Variants in CDK6 observed in about 807,000 individuals in gnomAD.
CDK6 encodes cyclin-dependent kinase 6.
CDK6 carries 6 observed loss-of-function variants against 37.1 expected under a neutral mutation model. That is an observed-to-expected ratio of 0.16 (90% CI 0.09 to 0.32). The LOEUF (loss-of-function observed/expected upper bound fraction) is 0.32, where lower values mean the gene tolerates loss of function less well. Among genes scored for constraint, CDK6 ranks in the 10% least tolerant of loss-of-function variants. The pLI is 1.00. For missense variants in CDK6, 224 were observed against 418.9 expected, an observed-to-expected ratio of 0.53 and a Z score of 4.06; for synonymous variants, 160 against 161.3, an observed-to-expected ratio of 0.99 and a Z score of 0.06.
At chr7:92,759,731 T>TA (rs1385422841) in intron 3 of CDK6, among the ~76,000 whole-genome samples, 27 of 148,084 alleles carry the variant, frequency 1.8e-4, no homozygotes, top group African/African-American at 2.7e-4. Context: ...AAAGAAAGCT[T>TA]AAAAAAAAAC....
intron 6 of CDK6, 159 bp from the exon 7 acceptor site, chr7:92,618,366 T>TCC (rs1795727272): frequency 1.6e-6 from 1 of 635,140 alleles, no homozygotes; most frequent in Non-Finnish European, 2.7e-6. Flanking sequence ...TTTATCTCTG[T>TCC]CCTACTGCAA....
intron 2 of CDK6, among the ~76,000 whole-genome samples, chr7:92,805,421 T>G (rs755343034): frequency 2.0e-5 from 3 of 152,138 alleles, no homozygotes; most frequent in Non-Finnish European, 4.4e-5. Flanking sequence ...TGTTCCAACT[T>G]TTCACTCTGA....
At chr7:92,747,548 T>A (rs944275806) in intron 3 of CDK6, among the ~76,000 whole-genome samples, 1 of 152,198 alleles carries the variant, frequency 6.6e-6, no homozygotes, top group African/African-American at 2.4e-5. Flanking sequence ...AACCAGCAAA[T>A]CTTGAGCAAG....
chr7:92,690,209 C>T (rs1192339437), intron 4 of CDK6, among the ~76,000 whole-genome samples: 1 of 152,066 alleles, frequency 6.6e-6, no homozygotes, highest in Admixed American at 6.6e-5. Flanking sequence ...GTGCCTATGT[C>T]CTGAAAGGTA....
intron 3 of CDK6, among the ~76,000 whole-genome samples, chr7:92,753,208 A>G (rs1028852538): frequency 5.3e-5 from 8 of 152,070 alleles, no homozygotes; most frequent in African/African-American, 1.7e-4. Context: ...ATAGAATTCA[A>G]TTACTGATGA....
intron 2 of CDK6, among the ~76,000 whole-genome samples, chr7:92,807,436 TTATC>T (rs1169461935): frequency 2.0e-5 from 3 of 151,836 alleles, no homozygotes; most frequent in Non-Finnish European, 4.4e-5. Flanking sequence ...ATACATCTCT[TTATC>T]TAGACATAGA....
chr7:92,729,902 G>A (rs1798603409), intron 3 of CDK6, among the ~76,000 whole-genome samples: 1 of 152,050 alleles, frequency 6.6e-6, no homozygotes, highest in South Asian at 2.1e-4. Flanking sequence ...ACCATGCCTG[G>A]CTACTTTTTA....
At chr7:92,792,158 T>G (rs1400133768) in intron 2 of CDK6, among the ~76,000 whole-genome samples, 1 of 152,044 alleles carries the variant, frequency 6.6e-6, no homozygotes, top group Admixed American at 6.6e-5. Context: ...GTTACAGAAA[T>G]AGTAGCAGCA....
chr7:92,822,420 T>C (rs143193018), intron 2 of CDK6, among the ~76,000 whole-genome samples: 187 of 152,242 alleles, frequency 1.2e-3, no homozygotes, highest in African/African-American at 4.3e-3. Flanking sequence ...ACTGAGTGAA[T>C]AGAAAAATAA....
intron 4 of CDK6, among the ~76,000 whole-genome samples, chr7:92,717,236 G>C (rs1184210279): frequency 6.6e-6 from 1 of 152,016 alleles, no homozygotes; most frequent in East Asian, 1.9e-4. Flanking sequence ...CTACTACTTG[G>C]GAGGCTGAGG....
At chr7:92,757,398 T>C (rs1799341982) in intron 3 of CDK6, among the ~76,000 whole-genome samples, 1 of 152,246 alleles carries the variant, frequency 6.6e-6, no homozygotes, top group Non-Finnish European at 1.5e-5. Flanking sequence ...AGTGAGGACA[T>C]GCAGTATTTG....
chr7:92,768,934 A>G (rs1799646609), intron 3 of CDK6, among the ~76,000 whole-genome samples: 1 of 152,044 alleles, frequency 6.6e-6, no homozygotes. Context: ...GAGTGAGAAG[A>G]GAAGAAGATC....
intron 2 of CDK6, among the ~76,000 whole-genome samples, chr7:92,776,223 T>C (rs977911289): frequency 1.3e-5 from 2 of 152,226 alleles, no homozygotes; most frequent in African/African-American, 4.8e-5. Context: ...TCCATGTCCC[T>C]GCAAAGGACA....
intron 4 of CDK6, among the ~76,000 whole-genome samples, chr7:92,676,535 AAG>A (rs1427133587): frequency 1.3e-5 from 2 of 152,146 alleles, no homozygotes; most frequent in Non-Finnish European, 2.9e-5. Context: ...CAAACTCTAA[AAG>A]AGAGTTGAGT....
At position 92,607,893 on chromosome 7, in the gene CDK6, T is replaced by C. The variant is rs1585330717; in HGVS notation, c.*7247A>G. ...AACACAGGATCAGAATGAAAAGATA[T>C]ATCATGCACTGTGAGGTTTAAGAAA... On this transcript the variant is annotated 3_prime_UTR_variant, in exon 8 of 8. Coordinates refer to ENST00000424848, the MANE Select transcript of CDK6 (RefSeq NM_001145306.2). 4.3e-6 allele frequency: 1 copy of C among 233,448 alleles called. No homozygotes were observed. Among genetic ancestry groups the C allele is most frequent in the Non-Finnish European group, 8.5e-6 (1 of 117,938 alleles). 14.5% of individuals were successfully genotyped at this position (233,448 alleles called of 1,614,324 possible). A position where few individuals can be genotyped will look rare whatever the true frequency, so the allele number is the denominator to read the frequency against.
At chr7:92,648,161 T>C (rs1250255147) in intron 5 of CDK6, among the ~76,000 whole-genome samples, 2 of 152,132 alleles carry the variant, frequency 1.3e-5, no homozygotes, top group African/African-American at 4.8e-5. Flanking sequence ...CCTTCTTATT[T>C]TCCTATGGGA....
At chr7:92,800,880 T>C (rs959764124) in intron 2 of CDK6, among the ~76,000 whole-genome samples, 2 of 152,328 alleles carry the variant, frequency 1.3e-5, no homozygotes, top group Admixed American at 6.5e-5. Flanking sequence ...AGAGACACCA[T>C]AGAAGCAAGC....
intron 3 of CDK6, among the ~76,000 whole-genome samples, chr7:92,739,339 T>C (rs1171960216): frequency 6.6e-6 from 1 of 152,228 alleles, no homozygotes; most frequent in Non-Finnish European, 1.5e-5. Context: ...AACTTCTGCA[T>C]GTGCAAATGT....
At chr7:92,660,891 G>A (rs568626358) in intron 5 of CDK6, among the ~76,000 whole-genome samples, 2 of 152,196 alleles carry the variant, frequency 1.3e-5, no homozygotes, top group Non-Finnish European at 2.9e-5. Flanking sequence ...TGGTGGAAGA[G>A]TCAGTCCATT....
Sources: allele counts gnomAD v4.1 joint callset (sites outside exome capture counted in the v4.1 genomes callset), GRCh38; gene constraint gnomAD v4.1.1; transcripts MANE v1.5; gene names NCBI Gene and HGNC (gene_info 2026-07-23, HGNC 2026-07-21).